SPDL1: variants seen among roughly 807,000 people sequenced by gnomAD.
SPDL1 encodes the protein spindle apparatus coiled-coil protein 1, also known as protein Spindly.
A neutral mutation model predicts 79.5 loss-of-function variants in SPDL1; 85 were observed. The observed-to-expected ratio is 1.07, with a 90% CI of 0.90 to 1.28. SPDL1 has a LOEUF of 1.28. Among genes scored for constraint, SPDL1 ranks in the 50% most tolerant of loss-of-function variants. SPDL1 has a pLI of 0.00. For missense variants in SPDL1, 703 were observed against 697.8 expected, an observed-to-expected ratio of 1.01 and a Z score of -0.08; for synonymous variants, 269 against 240.3, an observed-to-expected ratio of 1.12 and a Z score of -1.10.
chr5:169,599,336 G>A (rs902994018), intron 10 of SPDL1, among the ~76,000 whole-genome samples, 177 bp downstream of exon 10: 25 of 152,136 alleles, frequency 1.6e-4, no homozygotes, highest in African/African-American at 6.0e-4. Context: ...AGGGAGAACT[G>A]GATACTGGGT....
chr5:169,594,783 T>C, intron 7 of SPDL1, 102 bp downstream of exon 7: 1 of 695,396 alleles, frequency 1.4e-6, no homozygotes, highest in Non-Finnish European at 2.4e-6. Context: ...AGGAGTGTAC[T>C]TATATAGTTG....
intron 10 of SPDL1, among the ~76,000 whole-genome samples, chr5:169,599,596 C>A (rs1755778075): frequency 6.6e-6 from 1 of 152,126 alleles, no homozygotes; most frequent in Non-Finnish European, 1.5e-5. Flanking sequence ...CTGGAGGAGG[C>A]CTTCCAGGAC....
rs1176766256 is a variant in SPDL1, at chr5:169,603,914, A to G, written c.1671-146A>G. 5.7e-6 allele frequency: 4 copies of G among 704,832 alleles called. No homozygotes were observed. The East Asian group carries it at 9.0e-5, about 16-fold the overall frequency. The allele number at this position is 704,832 out of a possible 1,614,324, so 43.7% of individuals were successfully genotyped here. ...TAAAAAGACTTTTAGACAGCCAGTG[A>G]CTTAATATTCTTACAGTATTAGAGT... On this transcript the variant is annotated intron_variant, in intron 11 of 11. Coordinates refer to ENST00000265295, the MANE Select transcript of SPDL1 (RefSeq NM_017785.5).
At position 169,604,137 on chromosome 5, in the gene SPDL1, G is replaced by A. The variant is rs1251853621; in HGVS notation, c.1748G>A (p.Cys583Tyr). The A allele has an allele frequency of 1.9e-6, 3 of 1,613,260 alleles. No individual in the cohort carries two copies. In the African/African-American group the frequency reaches 4.0e-5, roughly 22 times the overall value. ...TCAAGCAAATTGGAAAAAGAAACTT[G>A]TAAGAAATTACACCCTATTCTATAT... ...ETSSKLEKETCKKLHPILYVS... is the reference protein window; with the variant it reads ...ETSSKLEKETYKKLHPILYVS... The change falls in exon 12 of 12, where the codon TGT becomes TAT. Residue 583 changes from cysteine (C) to tyrosine (Y), a missense_variant. Transcript: ENST00000265295.
At chr5:169,585,585 A>G (rs965652391) in intron 1 of SPDL1, among the ~76,000 whole-genome samples, 9 of 152,242 alleles carry the variant, frequency 5.9e-5, no homozygotes, top group Non-Finnish European at 8.8e-5. Context: ...AGCAGTTAGC[A>G]TGGCAAATGG....
rs547880847 is a variant in SPDL1 at position 169,599,505 on chromosome 5, C to T, written c.1324+346C>T. 4.9e-4 allele frequency among the ~76,000 whole-genome samples: 75 copies of T among 152,238 alleles called. 3 individuals are homozygous for T. Among genetic ancestry groups the T allele is most frequent in the Admixed American group, 2.2e-3 (34 of 15,298 alleles). On this transcript the variant is annotated intron_variant, in intron 10 of 11. Coordinates refer to ENST00000265295, the MANE Select transcript of SPDL1 (RefSeq NM_017785.5). Reference sequence around the variant, plus strand: ...AAGCAGCTGATGTTTGGAAGCTATACGAGGTAGGACTGTTTATAGAAAATC... The same window carrying T: ...AAGCAGCTGATGTTTGGAAGCTATATGAGGTAGGACTGTTTATAGAAAATC...
chr5:169,590,255 A>G (rs1257417407), intron 2 of SPDL1, among the ~76,000 whole-genome samples: 2 of 152,252 alleles, frequency 1.3e-5, no homozygotes, highest in South Asian at 2.1e-4. Context: ...GTGTTTCTAC[A>G]TAGTACTGTT....
chr5:169,603,854 A>G (rs1756054210), intron 11 of SPDL1, among the ~76,000 whole-genome samples: 1 of 152,206 alleles, frequency 6.6e-6, no homozygotes, highest in South Asian at 2.1e-4. Flanking sequence ...CTCTGTCTCA[A>G]AAAGTAATAA....
intron 10 of SPDL1, among the ~76,000 whole-genome samples, chr5:169,600,507 T>G (rs1364111957): frequency 6.6e-6 from 1 of 152,204 alleles, no homozygotes; most frequent in African/African-American, 2.4e-5. Context: ...CAGCAACCCC[T>G]TGTGCTACCA....
rs567074058 is a variant in SPDL1, at chr5:169,588,550, G to T, written c.134G>T (p.Arg45Leu). The T allele has an allele frequency of 1.2e-6, 2 of 1,612,846 alleles. No homozygotes were observed. Among genetic ancestry groups the T allele is most frequent in the Non-Finnish European group, 1.7e-6 (2 of 1,179,466 alleles). Residue 45 changes from arginine to leucine, a missense_variant, in exon 2 of 12, where the codon CGT becomes CTT. Transcript: ENST00000265295. The stretch of plus-strand genomic sequence containing the variant: ...TTACAGAATCAATTGGATAAATGTC[G>T]TAATGAAATGATGACCATGACTGAG... The part of the protein sequence containing the change: ...NELQNQLDKC[R>L]NEMMTMTESY...
intron 4 of SPDL1, among the ~76,000 whole-genome samples, chr5:169,593,886 T>C (rs1211360550): frequency 6.6e-6 from 1 of 152,218 alleles, no homozygotes; most frequent in Non-Finnish European, 1.5e-5. Flanking sequence ...ACTTGGTTTT[T>C]TCATTGAAAG....
At chr5:169,589,864 G>A (rs1414482652) in intron 2 of SPDL1, among the ~76,000 whole-genome samples, 2 of 151,964 alleles carry the variant, frequency 1.3e-5, no homozygotes, top group African/African-American at 2.4e-5. Flanking sequence ...CACCACATCC[G>A]GCTAATTTTT....
rs192023231 is a variant in SPDL1 at position 169,596,414 on chromosome 5, A to G, written c.892-147A>G. The G allele has an allele frequency of 3.7e-4, 237 of 641,506 alleles. No homozygotes were observed. In the African/African-American group the frequency reaches 3.7e-3, roughly 10 times the overall value. 39.7% of individuals were successfully genotyped at this position (641,506 alleles called of 1,614,324 possible). Reference sequence around the variant, plus strand: ...ATTCAAATGTTATGTCTACAAAAAAATTTATTATTAGATTAGAAATAGCTA... The same window carrying G: ...ATTCAAATGTTATGTCTACAAAAAAGTTTATTATTAGATTAGAAATAGCTA... On this transcript the variant is annotated intron_variant, in intron 7 of 11. Transcript: ENST00000265295.
Position 169,597,908 on chromosome 5 carries a change from A to AGG in SPDL1, c.1033-565_1033-564dup, listed in dbSNP as rs542693703. Among the ~76,000 whole-genome samples the AGG allele has an allele frequency of 2.2e-4, 34 of 152,318 alleles. No homozygotes were observed. The East Asian group carries it at 6.0e-3, about 27-fold the overall frequency. ...ACTCTGAAAATTATGGCCTTAAATC[A>AGG]GGGGAATTTTATTTATAACCTGAAA... On this transcript the variant is annotated intron_variant, in intron 8 of 11. Transcript: ENST00000265295.
rs1476399336 is a variant in SPDL1 at position 169,604,288 on chromosome 5, A to G, written c.*81A>G. ...TTAAGATTGTCTTGATCTGACATAT[A>G]TCACCTTCTGGGTTATTTACTCATT... is the stretch of plus-strand genomic sequence containing the variant. On this transcript the variant is annotated 3_prime_UTR_variant, in exon 12 of 12. Coordinates refer to ENST00000265295, the MANE Select transcript of SPDL1 (RefSeq NM_017785.5). 6.1e-6 allele frequency: 8 copies of G among 1,316,338 alleles called. No homozygotes were observed. The highest frequency in any genetic ancestry group is 6.0e-5 in the African/African-American group (4 of 66,628). 81.5% of individuals were successfully genotyped at this position (1,316,338 alleles called of 1,614,324 possible). A position where few individuals can be genotyped will look rare whatever the true frequency, so the allele number is the denominator to read the frequency against.
At chr5:169,602,469 T>A (rs1046277040) in intron 11 of SPDL1, among the ~76,000 whole-genome samples, 1 of 152,254 alleles carries the variant, frequency 6.6e-6, no homozygotes, top group Non-Finnish European at 1.5e-5. Flanking sequence ...CTAGCCTAGA[T>A]TATCTCCTAT....
intron 7 of SPDL1, 60 bp from the exon 8 acceptor site, chr5:169,596,501 T>C: frequency 7.2e-7 from 1 of 1,390,436 alleles, no homozygotes. Context: ...ATCAAAAAAG[T>C]AGTTATCAGA....
intron 11 of SPDL1, 200 bp downstream of exon 11, chr5:169,601,825 A>G (rs1214737926): frequency 8.9e-6 from 6 of 673,654 alleles, no homozygotes; most frequent in Non-Finnish European, 1.6e-5. Flanking sequence ...GGACTCTTGA[A>G]TAAGGCAATC....
chr5:169,586,999 C>T (rs1490262957), intron 1 of SPDL1, among the ~76,000 whole-genome samples: 1 of 152,190 alleles, frequency 6.6e-6, no homozygotes, highest in African/African-American at 2.4e-5. Context: ...GGGCTTCTTC[C>T]TGCCTTAAGG....
Sources: allele counts gnomAD v4.1 joint callset (sites outside exome capture counted in the v4.1 genomes callset), GRCh38; gene constraint gnomAD v4.1.1; transcripts MANE v1.5; gene names NCBI Gene and HGNC (gene_info 2026-07-23, HGNC 2026-07-21).